The following MYO1D variants were observed in gnomAD, a reference collection of about 807,000 sequenced individuals.
MYO1D encodes the protein unconventional myosin-Id.
MYO1D carries 83 observed loss-of-function variants against 122.0 expected under a neutral mutation model. The observed-to-expected ratio is 0.68, with a 90% confidence interval of 0.57 to 0.82. MYO1D has a LOEUF of 0.82. Among genes scored for constraint, MYO1D ranks in the 40% least tolerant of loss-of-function variants. The probability of loss-of-function intolerance (pLI) is 0.00; values close to 1 mark genes in which losing one functional copy is unlikely to be tolerated. For missense variants in MYO1D, 1,157 were observed against 1,269.5 expected, an observed-to-expected ratio of 0.91 and a Z score of 1.35; for synonymous variants, 464 against 446.9, an observed-to-expected ratio of 1.04 and a Z score of -0.48.
intron 15 of MYO1D, among the ~76,000 whole-genome samples, chr17:32,717,996 A>G (rs984259324): frequency 6.6e-6 from 1 of 151,974 alleles, no homozygotes; most frequent in Non-Finnish European, 1.5e-5. Context: ...TCCTGGATCA[A>G]CCTTACATGC....
At chr17:32,548,693 T>A (rs1454459657) in intron 21 of MYO1D, among the ~76,000 whole-genome samples, 1 of 150,370 alleles carries the variant, frequency 6.7e-6, no homozygotes, top group East Asian at 2.0e-4. Context: ...CCACTTTAAA[T>A]TCTTTTTAAA....
chr17:32,751,872 A>T (rs2089902670), intron 11 of MYO1D, among the ~76,000 whole-genome samples: 1 of 152,218 alleles, frequency 6.6e-6, no homozygotes, highest in East Asian at 1.9e-4. Context: ...TAAAAATTCA[A>T]TGCATTTCCT....
chr17:32,653,260 T>C (rs948321938), intron 19 of MYO1D, among the ~76,000 whole-genome samples: 1 of 151,812 alleles, frequency 6.6e-6, no homozygotes, highest in African/African-American at 2.4e-5. Flanking sequence ...TACAAATCCC[T>C]GACTTTAAAG....
intron 10 of MYO1D, among the ~76,000 whole-genome samples, chr17:32,756,916 T>G (rs1026386878): frequency 2.0e-5 from 3 of 152,140 alleles, no homozygotes; most frequent in African/African-American, 7.2e-5. Flanking sequence ...GCAATGTACC[T>G]ATCACTACAC....
At chr17:32,645,004 G>A (rs1043832290) in intron 19 of MYO1D, among the ~76,000 whole-genome samples, 3 of 152,154 alleles carry the variant, frequency 2.0e-5, no homozygotes, top group African/African-American at 7.2e-5. Flanking sequence ...TTTCTTCCTA[G>A]CATCGATGGC....
At chr17:32,568,780 C>G (rs887850816) in intron 21 of MYO1D, among the ~76,000 whole-genome samples, 4 of 152,248 alleles carry the variant, frequency 2.6e-5, no homozygotes, top group African/African-American at 9.6e-5. Flanking sequence ...TGTCCCAGAC[C>G]TCAGCCCTTC....
chr17:32,677,705 A>G (rs900414107), intron 16 of MYO1D, among the ~76,000 whole-genome samples: 5 of 151,772 alleles, frequency 3.3e-5, no homozygotes, highest in African/African-American at 1.2e-4. Context: ...TTTTTAATAT[A>G]TGTCATAATA....
Position 32,798,293 on chromosome 17 carries a change from T to C in MYO1D, c.96-17509A>G, listed in dbSNP as rs184969379. Among the ~76,000 whole-genome samples, 422 of 152,376 alleles carry C rather than the reference T, an allele frequency of 2.8e-3. 4 individuals are homozygous for C. The highest frequency in any genetic ancestry group is 8.8e-3 in the African/African-American group (365 of 41,592). On this transcript the variant is annotated intron_variant, in intron 1 of 21. Coordinates refer to ENST00000318217, the MANE Select transcript of MYO1D (RefSeq NM_015194.3). ...GTCTGCTGGCTCTCCTTGGCTTTCC[T>C]CGTCAGAAGTCTGTAACATCCATAA... is the stretch of plus-strand genomic sequence containing the variant.
chr17:32,701,089 A>C (rs988118920), intron 16 of MYO1D, among the ~76,000 whole-genome samples: 1 of 152,162 alleles, frequency 6.6e-6, no homozygotes, highest in Non-Finnish European at 1.5e-5. Context: ...AAAATAAGAA[A>C]TGGTAAGAGG....
chr17:32,685,290 A>T (rs1389618862), intron 16 of MYO1D, among the ~76,000 whole-genome samples: 4 of 152,224 alleles, frequency 2.6e-5, no homozygotes, highest in African/African-American at 9.6e-5. Flanking sequence ...ATGCGTAAGG[A>T]AACAACTCTT....
intron 21 of MYO1D, chr17:32,519,363 G>C (rs1027319913): frequency 6.6e-6 from 1 of 152,660 alleles, no homozygotes; most frequent in African/African-American, 2.4e-5. Flanking sequence ...GCGGCTGCCG[G>C]GGAATCCGGG....
chr17:32,844,454 C>T (rs1457096344), intron 1 of MYO1D, among the ~76,000 whole-genome samples: 3 of 143,666 alleles, frequency 2.1e-5, no homozygotes, highest in African/African-American at 5.5e-5. Context: ...TAATATGTGG[C>T]TCATAACTGT....
intron 1 of MYO1D, among the ~76,000 whole-genome samples, chr17:32,802,762 A>C (rs2090471324): frequency 6.6e-6 from 1 of 152,190 alleles, no homozygotes; most frequent in Non-Finnish European, 1.5e-5. Flanking sequence ...CATACAGATA[A>C]ATTTCACTTG....
intron 16 of MYO1D, among the ~76,000 whole-genome samples, chr17:32,690,997 C>T (rs1335332785): frequency 6.6e-6 from 1 of 152,076 alleles, no homozygotes; most frequent in Non-Finnish European, 1.5e-5. Flanking sequence ...TATTTCTCCT[C>T]ATGCTTGTAA....
chr17:32,635,060 C>A (rs765455672), intron 20 of MYO1D, among the ~76,000 whole-genome samples: 9 of 152,156 alleles, frequency 5.9e-5, no homozygotes, highest in Admixed American at 1.3e-4. Context: ...AACAAAAGTA[C>A]CGATCTGGAT....
intron 1 of MYO1D, among the ~76,000 whole-genome samples, chr17:32,782,464 T>C (rs2090248756): frequency 6.6e-6 from 1 of 152,216 alleles, no homozygotes; most frequent in Non-Finnish European, 1.5e-5. Context: ...TGGTCATAAT[T>C]ATACCCCTCT....
chr17:32,749,128 T>G, intron 11 of MYO1D, 122 bp from the exon 12 acceptor site: 1 of 878,190 alleles, frequency 1.1e-6, no homozygotes, highest in African/African-American at 1.7e-5. Flanking sequence ...GTGTGGGGCT[T>G]GATTTAAAAA....
intron 1 of MYO1D, among the ~76,000 whole-genome samples, chr17:32,842,122 G>A (rs1393350523): frequency 6.6e-6 from 1 of 152,148 alleles, no homozygotes; most frequent in Non-Finnish European, 1.5e-5. Context: ...AAATTAAGAT[G>A]AGCCATTTGA....
intron 1 of MYO1D, among the ~76,000 whole-genome samples, chr17:32,815,333 T>C (rs962668115): frequency 2.0e-5 from 3 of 152,218 alleles, no homozygotes; most frequent in Admixed American, 6.5e-5. Context: ...TCTTGACTTA[T>C]AGAAGTTGCC....
Sources: allele counts gnomAD v4.1 joint callset (sites outside exome capture counted in the v4.1 genomes callset), GRCh38; gene constraint gnomAD v4.1.1; transcripts MANE v1.5; gene names NCBI Gene and HGNC (gene_info 2026-07-23, HGNC 2026-07-21).